Variants in RSU1 observed in about 807,000 individuals in gnomAD.
RSU1 encodes the protein Ras suppressor protein 1.
Under a neutral mutation model 31.1 loss-of-function variants are expected in RSU1, and 26 were observed. The ratio of observed to expected loss-of-function variants is 0.84; its 90% CI spans 0.61 to 1.16. The LOEUF (loss-of-function observed/expected upper bound fraction) is 1.16, where lower values mean the gene tolerates loss of function less well. Among genes scored for constraint, RSU1 ranks in the 50% most tolerant of loss-of-function variants. RSU1 has a pLI of 0.00. For missense variants in RSU1, 320 were observed against 339.1 expected (o/e 0.94, Z 0.44); for synonymous variants, 164 against 136.3 (o/e 1.20, Z -1.41).
At chr10:16,624,795 A>T (rs1027999803) in intron 8 of RSU1, among the ~76,000 whole-genome samples, 3 of 152,168 alleles carry the variant, frequency 2.0e-5, no homozygotes, top group Non-Finnish European at 2.9e-5. Flanking sequence ...CCATGCACAC[A>T]AGGTATATTT....
chr10:16,685,016 G>C (rs549652861), intron 8 of RSU1, among the ~76,000 whole-genome samples: 1 of 152,278 alleles, frequency 6.6e-6, no homozygotes, highest in East Asian at 1.9e-4. Flanking sequence ...GGGAGGCTGA[G>C]GTGAGCGGAT....
chr10:16,600,565 TTTA>T (rs199846278), intron 8 of RSU1, among the ~76,000 whole-genome samples: 6,634 of 143,614 alleles, frequency 0.046, 509 homozygotes, highest in African/African-American at 0.17. Context: ...TTTTTTTTTT[TTTA>T]GGGGGGGGTG....
chr10:16,783,658 G>GT (rs57576455), intron 2 of RSU1, among the ~76,000 whole-genome samples: 2,401 of 148,326 alleles, frequency 0.016, 28 homozygotes, highest in Non-Finnish European at 0.026. Flanking sequence ...CCGGCCGCAT[G>GT]TTTTTTTTTT....
intron 8 of RSU1, among the ~76,000 whole-genome samples, chr10:16,675,512 T>C (rs1311510388): frequency 6.6e-6 from 1 of 152,182 alleles, no homozygotes; most frequent in Non-Finnish European, 1.5e-5. Flanking sequence ...GGGAACTTCC[T>C]GAGCTTACAC....
chr10:16,704,585 G>A (rs1835857637), intron 7 of RSU1, among the ~76,000 whole-genome samples: 2 of 152,174 alleles, frequency 1.3e-5, no homozygotes, highest in Admixed American at 6.5e-5. Flanking sequence ...AGGAGCACTG[G>A]GGAGTTATAC....
chr10:16,741,891 T>G (rs1021552354), intron 7 of RSU1, among the ~76,000 whole-genome samples: 4 of 152,172 alleles, frequency 2.6e-5, no homozygotes, highest in Admixed American at 2.6e-4. Flanking sequence ...TGTTTATTTG[T>G]GCAGCTGTTT....
At chr10:16,747,132 G>A (rs112461403) in intron 7 of RSU1, among the ~76,000 whole-genome samples, 4,208 of 152,172 alleles carry the variant, frequency 0.028, 195 homozygotes, top group African/African-American at 0.095. Context: ...GAATGGCCAC[G>A]GATGTCTGCC....
chr10:16,716,290 T>C (rs894477808), intron 7 of RSU1, among the ~76,000 whole-genome samples: 3 of 152,132 alleles, frequency 2.0e-5, no homozygotes, highest in Non-Finnish European at 4.4e-5. Context: ...AGGACTACGA[T>C]GTTCTGTGGG....
chr10:16,715,589 A>C (rs1294476702), intron 7 of RSU1, among the ~76,000 whole-genome samples: 1 of 152,190 alleles, frequency 6.6e-6, no homozygotes, highest in Admixed American at 6.5e-5. Context: ...TGGTTTGGGC[A>C]CACTTGTCAA....
chr10:16,762,394 T>C (rs988022489), intron 4 of RSU1, among the ~76,000 whole-genome samples: 54 of 151,822 alleles, frequency 3.6e-4, no homozygotes, highest in African/African-American at 1.2e-3. Context: ...TAGTTTTAGC[T>C]TCTTTCTCAC....
At chr10:16,685,400 A>C (rs1422623155) in intron 8 of RSU1, among the ~76,000 whole-genome samples, 1 of 152,228 alleles carries the variant, frequency 6.6e-6, no homozygotes, top group Non-Finnish European at 1.5e-5. Context: ...GTTTATTAGG[A>C]AAGTAAAGGA....
At chr10:16,613,821 AC>A (rs931082628) in intron 8 of RSU1, among the ~76,000 whole-genome samples, 16 of 152,116 alleles carry the variant, frequency 1.1e-4, no homozygotes, top group Non-Finnish European at 1.8e-4. Flanking sequence ...AACAAAAAAA[AC>A]AAACCTTTCC....
At chr10:16,768,300 G>C (rs756826553) in intron 3 of RSU1, among the ~76,000 whole-genome samples, 1 of 152,124 alleles carries the variant, frequency 6.6e-6, no homozygotes, top group Non-Finnish European at 1.5e-5. Flanking sequence ...AACATTCTAG[G>C]ATTCTAAAAG....
chr10:16,770,369 G>A (rs1163189488), intron 3 of RSU1, among the ~76,000 whole-genome samples: 2 of 152,000 alleles, frequency 1.3e-5, no homozygotes, highest in African/African-American at 4.8e-5. Context: ...GCTCCAGAAG[G>A]GCAGCACTAG....
intron 8 of RSU1, among the ~76,000 whole-genome samples, chr10:16,612,988 T>A (rs1416249118): frequency 6.6e-6 from 1 of 152,102 alleles, no homozygotes; most frequent in African/African-American, 2.4e-5. Context: ...GGCCCAAATC[T>A]GAGAGAGCAT....
intron 8 of RSU1, among the ~76,000 whole-genome samples, chr10:16,674,893 C>A (rs894551091): frequency 6.6e-6 from 1 of 151,994 alleles, no homozygotes; most frequent in African/African-American, 2.4e-5. Context: ...ATTAGCCAGG[C>A]GTGGTGGCAC....
chr10:16,672,989 T>C (rs536917459), intron 8 of RSU1, among the ~76,000 whole-genome samples: 111 of 152,222 alleles, frequency 7.3e-4, no homozygotes, highest in Non-Finnish European at 1.4e-3. Flanking sequence ...GCAGCCTGTT[T>C]CCAGGGCCAG....
At chr10:16,605,274 A>T (rs1833783593) in intron 8 of RSU1, among the ~76,000 whole-genome samples, 2 of 152,036 alleles carry the variant, frequency 1.3e-5, no homozygotes, top group Admixed American at 1.3e-4. Context: ...CATTTCCATC[A>T]TACCACTCGT....
intron 3 of RSU1, among the ~76,000 whole-genome samples, chr10:16,768,031 T>C (rs1837349694): frequency 1.3e-5 from 2 of 152,236 alleles, no homozygotes; most frequent in South Asian, 4.1e-4. Flanking sequence ...ACAGGATGCA[T>C]GAGCAAGAAG....
Sources: gnomAD v4.1 joint callset for allele counts (sites outside exome capture counted in the v4.1 genomes callset) on GRCh38, gnomAD v4.1.1 for gene constraint, MANE v1.5 for transcripts, NCBI Gene and HGNC (gene_info 2026-07-23, HGNC 2026-07-21) for gene names.